Variants in RNF17 observed in about 807,000 individuals in gnomAD.
RNF17 encodes the protein spermatogenesis associated 23.
RNF17 carries 31 observed loss-of-function variants against 200.5 expected under a neutral mutation model. The ratio of observed to expected loss-of-function variants is 0.15; its 90% CI spans 0.12 to 0.21. The LOEUF is 0.21. RNF17 is among the 10% of genes least tolerant of loss of function. The probability of loss-of-function intolerance (pLI) is 1.00; values close to 1 mark genes in which losing one functional copy is unlikely to be tolerated. For missense variants in RNF17, 1,628 were observed against 1,905.1 expected (o/e 0.85, Z 2.71); for synonymous variants, 606 against 637.8 (o/e 0.95, Z 0.75).
At chr13:24,841,659 A>G (rs1890650618) in intron 18 of RNF17, among the ~76,000 whole-genome samples, 1 of 152,168 alleles carries the variant, frequency 6.6e-6, no homozygotes, top group African/African-American at 2.4e-5. Flanking sequence ...CCAATTTTTA[A>G]AAAAATTGCC....
chr13:24,776,189 A>G (rs1410719134), intron 3 of RNF17, among the ~76,000 whole-genome samples: 1 of 152,158 alleles, frequency 6.6e-6, no homozygotes, highest in African/African-American at 2.4e-5. Flanking sequence ...CTTCTATAGT[A>G]TCTCCTATGT....
chr13:24,840,852 A>T (rs1890558170), intron 18 of RNF17, among the ~76,000 whole-genome samples: 1 of 152,170 alleles, frequency 6.6e-6, no homozygotes, highest in African/African-American at 2.4e-5. Context: ...TACTCGTTTA[A>T]CCAAATACCA....
chr13:24,873,105 A>G (rs1031493063), intron 32 of RNF17, among the ~76,000 whole-genome samples: 3 of 152,240 alleles, frequency 2.0e-5, no homozygotes, highest in African/African-American at 7.2e-5. Context: ...TCCCATAGCA[A>G]ATGAAAGGAC....
chr13:24,819,855 T>C (rs1887826940), intron 15 of RNF17, among the ~76,000 whole-genome samples: 1 of 152,220 alleles, frequency 6.6e-6, no homozygotes, highest in South Asian at 2.1e-4. Context: ...CATGTGACTT[T>C]GAGGTACTGT....
At chr13:24,837,196 A>G (rs774869319) in intron 18 of RNF17, among the ~76,000 whole-genome samples, 3 of 152,204 alleles carry the variant, frequency 2.0e-5, no homozygotes, top group Non-Finnish European at 2.9e-5. Context: ...ACATATGTGC[A>G]CCTAACACTA....
chr13:24,830,784 G>C (rs543520949), intron 17 of RNF17, among the ~76,000 whole-genome samples, 185 bp downstream of exon 17: 2 of 152,118 alleles, frequency 1.3e-5, no homozygotes, highest in Non-Finnish European at 2.9e-5. Context: ...GCAAATAAGC[G>C]TATTAAACAT....
intron 18 of RNF17, among the ~76,000 whole-genome samples, chr13:24,836,158 C>T (rs934029780): frequency 1.8e-4 from 27 of 152,170 alleles, no homozygotes; most frequent in Non-Finnish European, 7.3e-5. Context: ...TTACGTTAAA[C>T]GACCAAACCA....
chr13:24,791,921 CAGAT>C (rs755827827), intron 9 of RNF17, among the ~76,000 whole-genome samples: 9 of 152,102 alleles, frequency 5.9e-5, no homozygotes, highest in Non-Finnish European at 1.3e-4. Context: ...TAAAATTAAT[CAGAT>C]AGGTTAACAG....
intron 16 of RNF17, among the ~76,000 whole-genome samples, chr13:24,827,859 CTG>C (rs1404582932): frequency 6.6e-6 from 1 of 151,942 alleles, no homozygotes; most frequent in African/African-American, 2.4e-5. Flanking sequence ...GGGAGAGACA[CTG>C]TATCCTCTGA....
At chr13:24,838,332 A>G (rs7334715) in intron 18 of RNF17, among the ~76,000 whole-genome samples, 2,613 of 152,296 alleles carry the variant, frequency 0.017, 74 homozygotes, top group African/African-American at 0.059. Flanking sequence ...AATTCATTCT[A>G]TGAAGCCAGC....
At chr13:24,858,948 C>T in intron 25 of RNF17, 53 bp from the exon 26 acceptor site, 2 of 1,152,352 alleles carry the variant, frequency 1.7e-6, no homozygotes, top group Admixed American at 2.4e-5. Context: ...ATTAAATTGA[C>T]AAATGATAGG....
the RNF17 span, among the ~76,000 whole-genome samples, chr13:24,888,484 C>T: frequency 2.0e-5 from 3 of 152,146 alleles, no homozygotes; most frequent in Admixed American, 6.5e-5. Flanking sequence ...TACCAGCTCA[C>T]GGAATCAACC....
chr13:24,796,309 A>G lies in RNF17; in HGVS notation c.1399+14A>G. ...TTTTGGAACTAGGTAATGAAATATT[A>G]GTCCAAGTTAAAATATCAAATTTAT... On this transcript the variant is annotated intron_variant, in intron 11 of 35. Coordinates refer to ENST00000255324, the MANE Select transcript of RNF17 (RefSeq NM_031277.3). The G allele has an allele frequency of 6.5e-7, 1 of 1,539,644 alleles. No individual in the cohort carries two copies. The highest frequency in any genetic ancestry group is 8.8e-7 in the Non-Finnish European group (1 of 1,139,358).
At chr13:24,860,755 G>T (rs1352808008) in intron 26 of RNF17, among the ~76,000 whole-genome samples, 3 of 152,056 alleles carry the variant, frequency 2.0e-5, no homozygotes, top group Non-Finnish European at 2.9e-5. Context: ...AAAAAAGTCT[G>T]ATGGGTTAAG....
chr13:24,884,195 T>A, downstream of RNF17: 1 of 1,614,198 alleles, frequency 6.2e-7, no homozygotes, highest in South Asian at 1.1e-5. Context: ...AGACTTCCAG[T>A]CCCTCCGGGT....
chr13:24,850,019 T>C (rs1423231466), intron 22 of RNF17, among the ~76,000 whole-genome samples: 3 of 152,204 alleles, frequency 2.0e-5, no homozygotes, highest in Non-Finnish European at 2.9e-5. Flanking sequence ...CTAGTTGACA[T>C]ACATGAAATG....
chr13:24,883,150 T>C, downstream of RNF17: 1 of 1,593,262 alleles, frequency 6.3e-7, no homozygotes, highest in Non-Finnish European at 8.6e-7. Context: ...AGTCAGTTAC[T>C]GTTACTTCAT....
At chr13:24,782,177 C>G (rs917529538) in intron 6 of RNF17, among the ~76,000 whole-genome samples, 1 of 151,990 alleles carries the variant, frequency 6.6e-6, no homozygotes, top group East Asian at 1.9e-4. Context: ...GGTGCTGAAG[C>G]TAATGGTGGT....
chr13:24,764,742 C>T (rs946016428), intron 1 of RNF17, among the ~76,000 whole-genome samples: 1 of 152,108 alleles, frequency 6.6e-6, no homozygotes, highest in African/African-American at 2.4e-5. Flanking sequence ...AACAAGTAGA[C>T]CATTGTGAAA....
Sources: allele counts gnomAD v4.1 joint callset (sites outside exome capture counted in the v4.1 genomes callset), GRCh38; gene constraint gnomAD v4.1.1; transcripts MANE v1.5; gene names NCBI Gene and HGNC (gene_info 2026-07-23, HGNC 2026-07-21).